PBX3: variants seen among roughly 807,000 people sequenced by gnomAD.
The protein encoded by PBX3 is PBX homeobox 3, also known as pre-B-cell leukemia transcription factor 3.
PBX3 carries 14 observed loss-of-function variants against 48.5 expected under a neutral mutation model. That is an observed-to-expected ratio of 0.29 (90% CI 0.19 to 0.45). The LOEUF is 0.45. Among genes scored for constraint, PBX3 ranks in the 20% least tolerant of loss-of-function variants. The pLI, the probability that PBX3 is intolerant of heterozygous loss-of-function variation, is 1.00. For synonymous variants in PBX3, 210 were observed against 200.3 expected (o/e 1.05, Z -0.41); for missense variants, 386 against 546.7 (o/e 0.71, Z 2.93).
intron 2 of PBX3, among the ~76,000 whole-genome samples, chr9:125,806,111 G>C (rs1838117705): frequency 1.3e-5 from 2 of 152,186 alleles, no homozygotes; most frequent in Non-Finnish European, 2.9e-5. Context: ...GGTGACTAGA[G>C]ACCAGCCTTA....
intron 3 of PBX3, among the ~76,000 whole-genome samples, chr9:125,919,828 C>G (rs1238996495): frequency 6.6e-6 from 1 of 152,190 alleles, no homozygotes; most frequent in Non-Finnish European, 1.5e-5. Context: ...ATTTACAAAG[C>G]TAAGCAGACA....
At chr9:125,942,818 G>A (rs935287456) in intron 5 of PBX3, among the ~76,000 whole-genome samples, 6 of 152,172 alleles carry the variant, frequency 3.9e-5, no homozygotes, top group African/African-American at 1.4e-4. Context: ...GAATAAAAGA[G>A]CAGGTTGTAA....
intron 2 of PBX3, among the ~76,000 whole-genome samples, chr9:125,771,766 C>G (rs753228857): frequency 6.6e-6 from 1 of 152,142 alleles, no homozygotes; most frequent in Non-Finnish European, 1.5e-5. Flanking sequence ...TTCCTACCTA[C>G]TTTTCTTCCT....
At chr9:125,762,723 G>A (rs904538004) in intron 2 of PBX3, among the ~76,000 whole-genome samples, 4 of 152,146 alleles carry the variant, frequency 2.6e-5, no homozygotes, top group African/African-American at 9.7e-5. Context: ...CAGTAGCATC[G>A]ACAGATCCAC....
chr9:125,752,584 CTATT>C (rs10603340), intron 2 of PBX3, among the ~76,000 whole-genome samples: 10,521 of 152,164 alleles, frequency 0.069, 1,127 homozygotes, highest in African/African-American at 0.23. Flanking sequence ...CGACACCTCT[CTATT>C]TAATTGTGAA....
intron 2 of PBX3, among the ~76,000 whole-genome samples, chr9:125,754,688 T>C (rs549094774): frequency 6.6e-6 from 1 of 152,202 alleles, no homozygotes; most frequent in Admixed American, 6.5e-5. Context: ...TCTGTATTAT[T>C]TTTTCATAGA....
chr9:125,828,374 A>G (rs1293149970), intron 2 of PBX3, among the ~76,000 whole-genome samples: 2 of 152,214 alleles, frequency 1.3e-5, no homozygotes, highest in Non-Finnish European at 2.9e-5. Context: ...TTTATTAGGA[A>G]TAGAACAAAA....
At chr9:125,929,036 A>T (rs1320974745) in intron 3 of PBX3, among the ~76,000 whole-genome samples, 1 of 152,216 alleles carries the variant, frequency 6.6e-6, no homozygotes, top group East Asian at 1.9e-4. Flanking sequence ...TAGTACCTGG[A>T]ATTCCTCCTG....
At chr9:125,918,431 T>C (rs1841382413) in intron 3 of PBX3, among the ~76,000 whole-genome samples, 6 of 152,232 alleles carry the variant, frequency 3.9e-5, no homozygotes. Context: ...TGCATGTTCT[T>C]CATACATTTA....
intron 2 of PBX3, among the ~76,000 whole-genome samples, chr9:125,871,814 T>C (rs1031680140): frequency 3.9e-5 from 6 of 152,194 alleles, no homozygotes; most frequent in Admixed American, 2.0e-4. Context: ...TCTCATTACA[T>C]TTCTATGGGA....
At chr9:125,938,139 A>T (rs1233509771) in intron 5 of PBX3, among the ~76,000 whole-genome samples, 3 of 152,208 alleles carry the variant, frequency 2.0e-5, no homozygotes, top group Non-Finnish European at 4.4e-5. Flanking sequence ...TGAAACTCTG[A>T]TCTATTATTT....
At chr9:125,949,280 G>A (rs1031834636) in intron 5 of PBX3, 8 of 1,453,608 alleles carry the variant, frequency 5.5e-6, no homozygotes, top group Non-Finnish European at 4.7e-6. Flanking sequence ...ATGAAATCAT[G>A]TATGAAGAGT....
chr9:125,806,380 A>G (rs1270977724), intron 2 of PBX3, among the ~76,000 whole-genome samples: 2 of 152,138 alleles, frequency 1.3e-5, no homozygotes. Context: ...ATTTATAAAG[A>G]GTAAATTTCT....
chr9:125,932,140 C>G (rs1308633309), intron 4 of PBX3, among the ~76,000 whole-genome samples: 3 of 152,188 alleles, frequency 2.0e-5, no homozygotes, highest in Non-Finnish European at 4.4e-5. Context: ...TCTCTCTAAG[C>G]TGGTTACCAG....
intron 2 of PBX3, among the ~76,000 whole-genome samples, chr9:125,890,835 C>G (rs1370731577): frequency 6.6e-6 from 1 of 152,110 alleles, no homozygotes; most frequent in Admixed American, 6.5e-5. Context: ...AAGCCTTGCC[C>G]CTTTTTAGAT....
chr9:125,939,851 C>T (rs536557285), intron 5 of PBX3, among the ~76,000 whole-genome samples: 1 of 152,224 alleles, frequency 6.6e-6, no homozygotes, highest in South Asian at 2.1e-4. Flanking sequence ...GCAAGCTAAA[C>T]AGCATATTGT....
In PBX3 at chr9:125,759,883, G is replaced by T. The variant is rs1189795186; in HGVS notation, c.274+11260G>T. 6.6e-6 allele frequency among the ~76,000 whole-genome samples: 1 copy of T among 152,204 alleles called. No individual in the cohort carries two copies. Among genetic ancestry groups the T allele is most frequent in the Non-Finnish European group, 1.5e-5 (1 of 68,030 alleles). ...GTGGTAAAATAGTTATCTTCAGGCA[G>T]TGGCAGCCAGGAGCTGCTTGAAATG... is the stretch of plus-strand genomic sequence containing the variant. On this transcript the variant is annotated intron_variant, in intron 2 of 8. Coordinates refer to ENST00000373489, the MANE Select transcript of PBX3 (RefSeq NM_006195.6). The surrounding 1 kb of genome is among the most constrained non-coding windows in gnomAD (Gnocchi z 4.2).
chr9:125,780,755 CG>C (rs1253217099), intron 2 of PBX3, among the ~76,000 whole-genome samples: 2 of 130,614 alleles, frequency 1.5e-5, no homozygotes, highest in Non-Finnish European at 1.7e-5. Flanking sequence ...CCGGACAGGG[CG>C]GCTGGCCGGG....
Position 125,803,965 on chromosome 9 carries a change from T to A in PBX3, c.274+55342T>A, listed in dbSNP as rs1838044271. 2.0e-5 allele frequency among the ~76,000 whole-genome samples: 3 copies of A among 151,980 alleles called. 1 individual carries two copies. In the South Asian group the frequency reaches 6.2e-4, roughly 31 times the overall value. On this transcript the variant is annotated intron_variant, in intron 2 of 8. Transcript: ENST00000373489. ...CTACATGTCGTAAAAGGTGAATAAC[T>A]GGTGTAAAAGAAGAGCAGGCTTTCT...
Sources: gnomAD v4.1 joint callset for allele counts (sites outside exome capture counted in the v4.1 genomes callset) on GRCh38, gnomAD v4.1.1 for gene constraint, Gnocchi (gnomAD v3.1) non-coding constraint, MANE v1.5 for transcripts, NCBI Gene and HGNC (gene_info 2026-07-23, HGNC 2026-07-21) for gene names.